STAT4: variants seen among roughly 807,000 people sequenced by gnomAD.
The protein encoded by STAT4 is signal transducer and activator of transcription 4.
STAT4 carries 42 observed loss-of-function variants against 110.5 expected under a neutral mutation model. That is an observed-to-expected ratio of 0.38 (90% CI 0.30 to 0.49). The LOEUF is 0.49. Among genes scored for constraint, STAT4 ranks in the 20% least tolerant of loss-of-function variants. STAT4 has a pLI of 0.95. For missense variants in STAT4, 632 were observed against 887.9 expected, an observed-to-expected ratio of 0.71 and a Z score of 3.66; for synonymous variants, 284 against 302.2, an observed-to-expected ratio of 0.94 and a Z score of 0.63.
Position 191,090,032 on chromosome 2 carries a change from C to A in STAT4, c.274-13707G>T, listed in dbSNP as rs1324588875. Among the ~76,000 whole-genome samples, 2 of 151,660 alleles carry A rather than the reference C, an allele frequency of 1.3e-5. No homozygotes were observed. Among genetic ancestry groups the A allele is most frequent in the Admixed American group, 6.6e-5 (1 of 15,238 alleles). ...TAAAACACATAGAACATATAGTGAG[C>A]CCTAATGTAAATTATGGGACTTTAG... On this transcript the variant is annotated intron_variant, in intron 3 of 23. Transcript: ENST00000392320. This position sits in a 1 kb window ranked among gnomAD's most constrained non-coding sequence, Gnocchi z 4.2.
At chr2:191,034,661 A>C (rs967795792) in intron 17 of STAT4, 64 bp from the exon 18 acceptor site, 35 of 1,233,180 alleles carry the variant, frequency 2.8e-5, no homozygotes, top group Non-Finnish European at 4.0e-5. Flanking sequence ...TTTGTGCTCA[A>C]TTTAGATATT....
rs1172434343 is a variant in STAT4 at position 191,112,283 on chromosome 2, A to C, written c.273+34330T>G. ...TTCAAAGAAAACCAAATCATATCCA[A>C]ATTGTCTCATTTCCTAGCTATGTGA... is the stretch of plus-strand genomic sequence containing the variant. On this transcript the variant is annotated intron_variant, in intron 3 of 23. Transcript: ENST00000392320. This position sits in a 1 kb window ranked among gnomAD's most constrained non-coding sequence, Gnocchi z 4.3. 6.6e-6 allele frequency among the ~76,000 whole-genome samples: 1 copy of C among 152,192 alleles called. No homozygotes were observed. Among genetic ancestry groups the C allele is most frequent in the Non-Finnish European group, 1.5e-5 (1 of 68,038 alleles).
Position 191,150,983 on chromosome 2 carries a change from A to C in STAT4, c.-38T>G. 1.0e-6 allele frequency: 1 copy of C among 985,710 alleles called. No individual in the cohort carries two copies. The highest frequency in any genetic ancestry group is 4.7e-5 in the South Asian group (1 of 21,282). The allele number at this position is 985,710 out of a possible 1,614,324, so 61.1% of individuals were successfully genotyped here. ...TCAGCACAGGTCCCAGGCAGTGCTC[A>C]AGTCCAAAGTCAGAAGCGCCCCTCA... is the stretch of plus-strand genomic sequence containing the variant. On this transcript the variant is annotated 5_prime_UTR_variant, in exon 1 of 24. Coordinates refer to ENST00000392320, the MANE Select transcript of STAT4 (RefSeq NM_003151.4). The surrounding 1 kb of genome is among the most constrained non-coding windows in gnomAD (Gnocchi z 6.4).
At chr2:191,055,340 A>T (rs1042276780) in intron 13 of STAT4, among the ~76,000 whole-genome samples, 11 of 148,456 alleles carry the variant, frequency 7.4e-5, no homozygotes, top group African/African-American at 2.7e-4. Context: ...CTGGGACTAC[A>T]GGCGCCCACC....
At chr2:191,065,843 A>G (rs1049243996) in intron 7 of STAT4, among the ~76,000 whole-genome samples, 1 of 152,144 alleles carries the variant, frequency 6.6e-6, no homozygotes, top group Admixed American at 6.6e-5. Context: ...AATTGCATGT[A>G]TTTTTCAAGA....
intron 3 of STAT4, among the ~76,000 whole-genome samples, chr2:191,078,418 T>C (rs1697372202): frequency 6.6e-6 from 1 of 152,192 alleles, no homozygotes; most frequent in African/African-American, 2.4e-5. Context: ...CTTTTTCTTC[T>C]TTGTTAAGAG....
At chr2:191,124,413 C>A (rs933796490) in intron 3 of STAT4, among the ~76,000 whole-genome samples, 1 of 143,606 alleles carries the variant, frequency 7.0e-6, no homozygotes, top group African/African-American at 2.6e-5. Flanking sequence ...CGAGATAGCA[C>A]CACTGCACTC....
rs568316840 is a variant in STAT4, at chr2:191,058,614, T to A, written c.1094+96A>T. The A allele has an allele frequency of 1.3e-6, 1 of 765,140 alleles. No homozygotes were observed. Among genetic ancestry groups the A allele is most frequent in the Non-Finnish European group, 2.1e-6 (1 of 468,238 alleles). The allele number at this position is 765,140 out of a possible 1,614,324, so 47.4% of individuals were successfully genotyped here. A position where few individuals can be genotyped will look rare whatever the true frequency, so the allele number is the denominator to read the frequency against. On this transcript the variant is annotated intron_variant, in intron 11 of 23. Coordinates refer to ENST00000392320, the MANE Select transcript of STAT4 (RefSeq NM_003151.4). This position sits in a 1 kb window ranked among gnomAD's most constrained non-coding sequence, Gnocchi z 4.3. ...CATTATATAATGTTAGATAAGTAAATTTAAAAGTTCAAAATTATTCTATAA... is the reference window on the plus strand; with the variant it reads ...CATTATATAATGTTAGATAAGTAAAATTAAAAGTTCAAAATTATTCTATAA...
chr2:191,052,225 C>T (rs114088709), intron 14 of STAT4, among the ~76,000 whole-genome samples: 62 of 152,264 alleles, frequency 4.1e-4, no homozygotes, highest in African/African-American at 1.4e-3. Context: ...CCCTGATTCC[C>T]GGTTTATCTT....
At chr2:191,093,638 G>C (rs935402981) in intron 3 of STAT4, among the ~76,000 whole-genome samples, 19 of 152,218 alleles carry the variant, frequency 1.2e-4, no homozygotes, top group Non-Finnish European at 1.5e-5. Context: ...GGAGAAACAA[G>C]AGCAGAAAAG....
At chr2:191,106,056 G>A (rs972817090) in intron 3 of STAT4, among the ~76,000 whole-genome samples, 2 of 152,052 alleles carry the variant, frequency 1.3e-5, no homozygotes, top group African/African-American at 4.8e-5. Flanking sequence ...AAGGAATTTT[G>A]GTCAGGTCAT....
At chr2:191,123,117 C>T (rs1419425748) in intron 3 of STAT4, among the ~76,000 whole-genome samples, 2 of 152,202 alleles carry the variant, frequency 1.3e-5, no homozygotes, top group African/African-American at 4.8e-5. Context: ...TCTCATGAAA[C>T]AGAGTGTGCA....
chr2:191,128,830 T>C (rs1698954880), intron 3 of STAT4, among the ~76,000 whole-genome samples: 1 of 152,198 alleles, frequency 6.6e-6, no homozygotes, highest in African/African-American at 2.4e-5. Context: ...AGCTTTCTAA[T>C]TGATAGAGAT....
rs1698394923 is a variant in STAT4 at position 191,110,483 on chromosome 2, C to T, written c.274-34158G>A. Reference sequence around the variant, plus strand: ...CCTATTTTACGGGCAGGGCAACGGGCTGAGGGAAGCCAGACTTTAGCCTAT... The same window carrying T: ...CCTATTTTACGGGCAGGGCAACGGGTTGAGGGAAGCCAGACTTTAGCCTAT... On this transcript the variant is annotated intron_variant, in intron 3 of 23. Coordinates refer to ENST00000392320, the MANE Select transcript of STAT4 (RefSeq NM_003151.4). The surrounding 1 kb of genome is among the most constrained non-coding windows in gnomAD (Gnocchi z 4.5). 6.6e-6 allele frequency among the ~76,000 whole-genome samples: 1 copy of T among 152,188 alleles called. No homozygotes were observed. Among genetic ancestry groups the T allele is most frequent in the South Asian group, 2.1e-4 (1 of 4,824 alleles).
chr2:191,080,907 T>C (rs558853875), intron 3 of STAT4, among the ~76,000 whole-genome samples: 1 of 152,322 alleles, frequency 6.6e-6, no homozygotes, highest in African/African-American at 2.4e-5. Context: ...GTTTGTTACA[T>C]AGGTATACAT....
intron 14 of STAT4, among the ~76,000 whole-genome samples, chr2:191,045,537 TG>T (rs1406084708): frequency 6.6e-6 from 1 of 151,794 alleles, no homozygotes; most frequent in Non-Finnish European, 1.5e-5. Flanking sequence ...AAAGTCAGGG[TG>T]GGGGGTTGGA....
chr2:191,074,588 C>T (rs1435703661), intron 4 of STAT4, among the ~76,000 whole-genome samples: 6 of 152,074 alleles, frequency 3.9e-5, no homozygotes, highest in Non-Finnish European at 5.9e-5. Context: ...CACACACACA[C>T]GTGCACAGAC....
At chr2:191,044,121 T>C (rs906817680) in intron 14 of STAT4, among the ~76,000 whole-genome samples, 1 of 152,182 alleles carries the variant, frequency 6.6e-6, no homozygotes, top group Admixed American at 6.5e-5. Context: ...TATTATTCTT[T>C]ATGTTTTTAC....
chr2:191,037,270 T>C lies in STAT4; in HGVS notation c.1435-971A>G, dbSNP rs1559038452. Among the ~76,000 whole-genome samples, 1 of 152,108 alleles carries C rather than the reference T, an allele frequency of 6.6e-6. No individual in the cohort carries two copies. The highest frequency in any genetic ancestry group is 1.5e-5 in the Non-Finnish European group (1 of 68,012). On this transcript the variant is annotated intron_variant, in intron 16 of 23. Coordinates refer to ENST00000392320, the MANE Select transcript of STAT4 (RefSeq NM_003151.4). This position sits in a 1 kb window ranked among gnomAD's most constrained non-coding sequence, Gnocchi z 4.8. The stretch of plus-strand genomic sequence containing the variant: ...CTACAATATTATGATTAACCTCAAA[T>C]ACCTATTTTATGGACACCATAGTAG...
Sources: gnomAD v4.1 joint callset for allele counts (sites outside exome capture counted in the v4.1 genomes callset) on GRCh38, gnomAD v4.1.1 for gene constraint, Gnocchi (gnomAD v3.1) non-coding constraint, MANE v1.5 for transcripts, NCBI Gene and HGNC (gene_info 2026-07-23, HGNC 2026-07-21) for gene names.